The following ITIH5 variants were observed in gnomAD, a reference collection of about 807,000 sequenced individuals.
ITIH5 encodes the protein inter-alpha-trypsin inhibitor heavy chain 5, also known as inter-alpha-trypsin inhibitor heavy chain H5.
ITIH5 carries 65 observed loss-of-function variants against 77.5 expected under a neutral mutation model. That is an observed-to-expected ratio of 0.84 (90% CI 0.69 to 1.03). The LOEUF is 1.03. ITIH5 is among the 50% of genes least tolerant of loss of function. The probability of loss-of-function intolerance (pLI) is 0.00; values close to 1 mark genes in which losing one functional copy is unlikely to be tolerated. For missense variants in ITIH5, 1,208 were observed against 1,213.1 expected (o/e 1.00, Z 0.06); for synonymous variants, 525 against 494.3 (o/e 1.06, Z -0.82).
chr10:7,584,664 T>A (rs1383223126), intron 8 of ITIH5, among the ~76,000 whole-genome samples: 1 of 152,106 alleles, frequency 6.6e-6, no homozygotes, highest in African/African-American at 2.4e-5. Flanking sequence ...CACACACACA[T>A]CATTCTGCTA....
At chr10:7,625,406 T>A (rs865809004) in intron 5 of ITIH5, among the ~76,000 whole-genome samples, 1 of 151,994 alleles carries the variant, frequency 6.6e-6, no homozygotes. Flanking sequence ...GTTTGGGAGA[T>A]GGAAAAGTTC....
Position 7,641,955 on chromosome 10 carries a change from C to G in ITIH5, c.271G>C (p.Ala91Pro), listed in dbSNP as rs1377728127. Residue 91 changes from alanine to proline, a missense_variant, in exon 3 of 14, where the codon GCT becomes CCT. Transcript: ENST00000397146. ...GTGAAGTTGGTGATGAAAGCTGCAG[C>G]TGGAATCTGCATCTGGAACTCAATG... ...QDIEFQMQIP[A>P]AAFITNFTML... 2 of 1,613,978 alleles carry G rather than the reference C, an allele frequency of 1.2e-6. No individual in the cohort carries two copies. Among genetic ancestry groups the G allele is most frequent in the African/African-American group, 1.3e-5 (1 of 74,918 alleles).
At chr10:7,590,192 T>C (rs1832765018) in intron 7 of ITIH5, among the ~76,000 whole-genome samples, 1 of 152,136 alleles carries the variant, frequency 6.6e-6, no homozygotes, top group Non-Finnish European at 1.5e-5. Context: ...CGCTGCTCTC[T>C]GTCCCGGGAC....
At chr10:7,658,347 A>AT (rs1834221286) in intron 1 of ITIH5, among the ~76,000 whole-genome samples, 1 of 152,224 alleles carries the variant, frequency 6.6e-6, no homozygotes, top group African/African-American at 2.4e-5. Flanking sequence ...ATTCTAAGCC[A>AT]TTATAGAGTC....
intron 5 of ITIH5, among the ~76,000 whole-genome samples, chr10:7,634,205 G>T (rs995908680): frequency 4.6e-5 from 7 of 152,096 alleles, no homozygotes; most frequent in African/African-American, 1.7e-4. Context: ...TCTATCAGCG[G>T]AATGTATTGG....
At chr10:7,622,627 A>G (rs1165413751) in intron 5 of ITIH5, 2 of 152,238 alleles carry the variant, frequency 1.3e-5, no homozygotes, top group Non-Finnish European at 2.9e-5. Context: ...TTTTAAAAGG[A>G]CAGACACATA....
At chr10:7,649,167 T>C (rs1391019448) in intron 2 of ITIH5, among the ~76,000 whole-genome samples, 1 of 152,072 alleles carries the variant, frequency 6.6e-6, no homozygotes, top group Admixed American at 6.6e-5. Flanking sequence ...GTCCTTCTCC[T>C]TCCCCTTCCC....
intron 1 of ITIH5, among the ~76,000 whole-genome samples, chr10:7,657,119 A>G (rs1484677469): frequency 1.5e-5 from 2 of 137,504 alleles, no homozygotes; most frequent in East Asian, 4.1e-4. Context: ...ACCTTGGCTC[A>G]CTGCAATCTC....
chr10:7,564,749 G>A (rs778758648), intron 13 of ITIH5, among the ~76,000 whole-genome samples: 17 of 151,430 alleles, frequency 1.1e-4, no homozygotes, highest in Non-Finnish European at 2.5e-4. Flanking sequence ...TATATAATAT[G>A]TACATACATA....
chr10:7,602,603 G>A (rs1013860466), intron 7 of ITIH5, among the ~76,000 whole-genome samples: 1 of 152,124 alleles, frequency 6.6e-6, no homozygotes, highest in Non-Finnish European at 1.5e-5. Flanking sequence ...TGCCATGATA[G>A]TAAGTTTCCT....
chr10:7,654,064 G>A (rs1834142922), intron 2 of ITIH5, among the ~76,000 whole-genome samples: 1 of 152,206 alleles, frequency 6.6e-6, no homozygotes, highest in Non-Finnish European at 1.5e-5. Flanking sequence ...GGCTGAGGCA[G>A]GAGGATCTCT....
At chr10:7,641,792 G>T in intron 3 of ITIH5, 135 bp downstream of exon 3, 1 of 596,232 alleles carries the variant, frequency 1.7e-6, no homozygotes, top group Non-Finnish European at 2.9e-6. Context: ...TTGAACAAAA[G>T]AATTGACCTT....
intron 8 of ITIH5, among the ~76,000 whole-genome samples, chr10:7,581,384 C>T (rs1342017517): frequency 6.6e-6 from 1 of 152,154 alleles, no homozygotes; most frequent in Non-Finnish European, 1.5e-5. Context: ...AAACAAATCT[C>T]AACTCTGAGA....
intron 8 of ITIH5, 104 bp downstream of exon 8, chr10:7,585,797 C>A: frequency 9.5e-7 from 1 of 1,050,802 alleles, no homozygotes; most frequent in Non-Finnish European, 1.3e-6. Context: ...CTGCCATCAA[C>A]CCCAGCTTTC....
intron 1 of ITIH5, among the ~76,000 whole-genome samples, chr10:7,657,421 A>G (rs1452224178): frequency 6.6e-6 from 1 of 152,196 alleles, no homozygotes; most frequent in East Asian, 1.9e-4. Context: ...ACCAGTATGC[A>G]ATCTTTTAAT....
intron 4 of ITIH5, 75 bp from the exon 5 acceptor site, chr10:7,637,553 G>GC: frequency 6.8e-7 from 1 of 1,465,196 alleles, no homozygotes; most frequent in Admixed American, 2.0e-5. Context: ...TCCCCACAGG[G>GC]CACCAGCCAT....
At chr10:7,574,669 C>T (rs376683766) in intron 10 of ITIH5, among the ~76,000 whole-genome samples, 118 of 151,492 alleles carry the variant, frequency 7.8e-4, no homozygotes, top group African/African-American at 2.8e-3. Flanking sequence ...GGTGGGCACC[C>T]GTAGTCCCAG....
In ITIH5 at chr10:7,585,993, C is replaced by T. The variant is rs753071487; in HGVS notation, c.1016G>A (p.Arg339Gln). ...DRFSIIGFSN[R>Q]IKVWKDHLIS... ...CAAGTGGTCCTTCCATACTTTGATC[C>T]GGTTGGAAAATCCAATGATACTGAA... Residue 339 changes from arginine (R) to glutamine (Q), a missense_variant, in exon 8 of 14, where the codon CGG becomes CAG. Transcript: ENST00000397146. 2.7e-5 allele frequency: 43 copies of T among 1,613,866 alleles called. No homozygotes were observed. Among genetic ancestry groups the T allele is most frequent in the South Asian group, 1.2e-4 (11 of 91,086 alleles).
intron 6 of ITIH5, 50 bp downstream of exon 6, chr10:7,617,063 G>C: frequency 7.8e-7 from 1 of 1,279,722 alleles, no homozygotes. Context: ...GTATGAGTCT[G>C]TCCAAAGTAC....
Sources: gnomAD v4.1 joint callset for allele counts (sites outside exome capture counted in the v4.1 genomes callset) on GRCh38, gnomAD v4.1.1 for gene constraint, MANE v1.5 for transcripts, NCBI Gene and HGNC (gene_info 2026-07-23, HGNC 2026-07-21) for gene names.